CPSF2: variants seen among roughly 807,000 people sequenced by gnomAD.
CPSF2 encodes cleavage and polyadenylation specific factor 2.
Under a neutral mutation model 84.2 loss-of-function variants are expected in CPSF2, and 51 were observed. The observed-to-expected ratio is 0.61, with a 90% CI of 0.48 to 0.77. The LOEUF (loss-of-function observed/expected upper bound fraction) is 0.77. Among genes scored for constraint, CPSF2 ranks in the 30% least tolerant of loss-of-function variants. CPSF2 has a pLI of 0.00. For synonymous variants in CPSF2, 286 were observed against 311.9 expected (o/e 0.92, Z 0.87); for missense variants, 641 against 929.4 (o/e 0.69, Z 4.03).
intron 3 of CPSF2, among the ~76,000 whole-genome samples, chr14:92,133,766 T>G (rs1306345446): frequency 1.3e-5 from 2 of 152,142 alleles, no homozygotes; most frequent in Non-Finnish European, 1.5e-5. Context: ...ACACATGGCC[T>G]TCTTTTCTGT....
chr14:92,135,538 ATTATT>A, intron 6 of CPSF2, 42 bp downstream of exon 6: 1 of 1,538,398 alleles, frequency 6.5e-7, no homozygotes, highest in East Asian at 2.3e-5. Flanking sequence ...TGCAATTGGT[ATTATT>A]TTATTCTTTG....
At chr14:92,153,185 A>G (rs980117217) in intron 9 of CPSF2, among the ~76,000 whole-genome samples, 1 of 152,050 alleles carries the variant, frequency 6.6e-6, no homozygotes, top group African/African-American at 2.4e-5. Context: ...GATGAAAACA[A>G]TTATGTTTTT....
intron 14 of CPSF2, among the ~76,000 whole-genome samples, chr14:92,159,602 G>A (rs1169335113): frequency 2.0e-5 from 3 of 152,154 alleles, no homozygotes; most frequent in African/African-American, 7.2e-5. Context: ...CAGGAGGATT[G>A]CTTGAGCTCA....
chr14:92,141,727 T>A (rs2069081227), intron 7 of CPSF2, among the ~76,000 whole-genome samples: 1 of 152,066 alleles, frequency 6.6e-6, no homozygotes, highest in South Asian at 2.1e-4. Context: ...GTATATATAA[T>A]TATGTGAGTG....
At chr14:92,126,931 C>G (rs1028847502) in intron 2 of CPSF2, among the ~76,000 whole-genome samples, 8 of 152,142 alleles carry the variant, frequency 5.3e-5, no homozygotes, top group Non-Finnish European at 1.0e-4. Flanking sequence ...AACTCCTGTA[C>G]TCAGAGAGCT....
chr14:92,122,856 T>C (rs983088454), intron 1 of CPSF2, among the ~76,000 whole-genome samples: 4 of 149,764 alleles, frequency 2.7e-5, no homozygotes, highest in Non-Finnish European at 4.5e-5. Flanking sequence ...TTTCTTTCTT[T>C]TTTTTTTTTT....
At position 92,163,303 on chromosome 14, in the gene CPSF2, T is replaced by TA. The variant is rs1226857135; in HGVS notation, c.*1560dup. 1 of 152,564 alleles carries TA rather than the reference T, an allele frequency of 6.6e-6. No homozygotes were observed. Among genetic ancestry groups the TA allele is most frequent in the Non-Finnish European group, 1.5e-5 (1 of 68,038 alleles). The allele number at this position is 152,564 out of a possible 1,614,324, so 9.5% of individuals were successfully genotyped here. On this transcript the variant is annotated 3_prime_UTR_variant, in exon 16 of 16. Coordinates refer to ENST00000298875, the MANE Select transcript of CPSF2 (RefSeq NM_017437.3). The stretch of plus-strand genomic sequence containing the variant: ...ACTATTTCATTCTATTTCAAATGCT[T>TA]ATAAAGCTACTATTGTAGATTATAG...
intron 9 of CPSF2, among the ~76,000 whole-genome samples, 185 bp downstream of exon 9, chr14:92,143,479 G>A (rs1400562059): frequency 6.6e-6 from 1 of 152,102 alleles, no homozygotes; most frequent in Non-Finnish European, 1.5e-5. Context: ...GAGGCGGAAG[G>A]ACCACTCGAG....
chr14:92,142,954 A>G, intron 8 of CPSF2, 50 bp from the exon 9 acceptor site: 1 of 1,394,198 alleles, frequency 7.2e-7, no homozygotes. Flanking sequence ...GAATATATTG[A>G]AGTTATAATA....
At position 92,169,054 on chromosome 14, in the gene CPSF2, A is replaced by G. The variant is rs1308017902; in HGVS notation, c.*7310A>G. ...TGTTGACTTTAATATCCAATGTATC[A>G]TAGGTGTTTTCTTTTTTCTCTGACA... is the stretch of plus-strand genomic sequence containing the variant. On this transcript the variant is annotated 3_prime_UTR_variant, in exon 16 of 16. Transcript: ENST00000298875. 1 of 152,092 alleles carries G rather than the reference A, an allele frequency of 6.6e-6. No homozygotes were observed. The highest frequency in any genetic ancestry group is 1.5e-5 in the Non-Finnish European group (1 of 68,014). The allele number at this position is 152,092 out of a possible 1,614,324, so 9.4% of individuals were successfully genotyped here. A position where few individuals can be genotyped will look rare whatever the true frequency, so the allele number is the denominator to read the frequency against.
Position 92,167,392 on chromosome 14 carries a change from A to G in CPSF2, c.*5648A>G, listed in dbSNP as rs1434707377. On this transcript the variant is annotated 3_prime_UTR_variant, in exon 16 of 16. Coordinates refer to ENST00000298875, the MANE Select transcript of CPSF2 (RefSeq NM_017437.3). ...AAAAAGCAGTTGACATTTATAACTT[A>G]GAGTCTTTTAATGTTAGTGCTGAAA... 1 of 152,200 alleles carries G rather than the reference A, an allele frequency of 6.6e-6. No homozygotes were observed. Among genetic ancestry groups the G allele is most frequent in the Non-Finnish European group, 1.5e-5 (1 of 68,034 alleles). 9.4% of individuals were successfully genotyped at this position (152,200 alleles called of 1,614,324 possible). A position where few individuals can be genotyped will look rare whatever the true frequency, so the allele number is the denominator to read the frequency against.
In CPSF2 at chr14:92,157,543, A is replaced by G. The variant is rs1161991919; in HGVS notation, c.1596-116A>G. On this transcript the variant is annotated intron_variant, in intron 12 of 15. Coordinates refer to ENST00000298875, the MANE Select transcript of CPSF2 (RefSeq NM_017437.3). This position sits in a 1 kb window ranked among gnomAD's most constrained non-coding sequence, Gnocchi z 4.0. ...AACAAAAATAAAATAAATCATACAG[A>G]TACTATAACATGTGTATTTCTCAAA... 4.5e-6 allele frequency: 3 copies of G among 665,640 alleles called. No homozygotes were observed. Among genetic ancestry groups the G allele is most frequent in the Non-Finnish European group, 7.7e-6 (3 of 388,418 alleles). The allele number at this position is 665,640 out of a possible 1,614,324, so 41.2% of individuals were successfully genotyped here.
chr14:92,166,805 GT>G lies in CPSF2; in HGVS notation c.*5064del, dbSNP rs1172166616. The G allele has an allele frequency of 1.3e-5, 2 of 152,056 alleles. No individual in the cohort carries two copies. The highest frequency in any genetic ancestry group is 2.9e-5 in the Non-Finnish European group (2 of 68,020). 9.4% of individuals were successfully genotyped at this position (152,056 alleles called of 1,614,324 possible). On this transcript the variant is annotated 3_prime_UTR_variant, in exon 16 of 16. Transcript: ENST00000298875. ...AAATCAGTTGCCCATGAGTGTATGGGTTTGTTCCTGGACTTGAAATTATGTT... is the reference window on the plus strand; with the variant it reads ...AAATCAGTTGCCCATGAGTGTATGGGTTGTTCCTGGACTTGAAATTATGTT...
rs1247677231 is a variant in CPSF2, at chr14:92,169,322, C to T, written c.*7578C>T. ...TTGTTACTACATGACCCCCCCACAC[C>T]CCCTAAAAAAGAAAAAGGACTTTAA... On this transcript the variant is annotated 3_prime_UTR_variant, in exon 16 of 16. Coordinates refer to ENST00000298875, the MANE Select transcript of CPSF2 (RefSeq NM_017437.3). 6.6e-6 allele frequency: 1 copy of T among 152,170 alleles called. No individual in the cohort carries two copies. Among genetic ancestry groups the T allele is most frequent in the Non-Finnish European group, 1.5e-5 (1 of 68,054 alleles). 9.4% of individuals were successfully genotyped at this position (152,170 alleles called of 1,614,324 possible).
chr14:92,128,918 A>G (rs1025953808), intron 2 of CPSF2, among the ~76,000 whole-genome samples: 1 of 152,192 alleles, frequency 6.6e-6, no homozygotes, highest in Non-Finnish European at 1.5e-5. Context: ...ACAGGTCAGT[A>G]TTGAAGTTAC....
At position 92,156,463 on chromosome 14, in the gene CPSF2, G is replaced by A; in HGVS notation, c.1443-16G>A. 1 of 1,600,714 alleles carries A rather than the reference G, an allele frequency of 6.2e-7. No homozygotes were observed. The highest frequency in any genetic ancestry group is 8.5e-7 in the Non-Finnish European group (1 of 1,175,988). ...GCTTGCTTTTTACTGCTTCTAATTAGAGACTTATTATTTAGACCAGAGGAT... is the reference window on the plus strand; with the variant it reads ...GCTTGCTTTTTACTGCTTCTAATTAAAGACTTATTATTTAGACCAGAGGAT... On this transcript the variant is annotated splice_polypyrimidine_tract_variant and intron_variant, in intron 11 of 15. Coordinates refer to ENST00000298875, the MANE Select transcript of CPSF2 (RefSeq NM_017437.3).
At position 92,161,715 on chromosome 14, in the gene CPSF2, CT is replaced by C; in HGVS notation, c.2324del (p.Leu775TyrfsTer57). ...LCQDFYRIRD[L>X]LYEQYAIV ...TCAAGATTTTTATAGGATAAGAGAC[CT>C]TTTATATGAACAATATGCCATTGTA... is the stretch of plus-strand genomic sequence containing the variant. On this transcript the variant is annotated frameshift_variant, in exon 16 of 16. Coordinates refer to ENST00000298875, the MANE Select transcript of CPSF2 (RefSeq NM_017437.3). LOFTEE classifies it high-confidence loss of function. 6.3e-7 allele frequency: 1 copy of C among 1,589,286 alleles called. No homozygotes were observed. Among genetic ancestry groups the C allele is most frequent in the Admixed American group, 1.8e-5 (1 of 55,256 alleles).
chr14:92,133,622 C>CT (rs35567316), intron 3 of CPSF2, among the ~76,000 whole-genome samples: 23,136 of 139,258 alleles, frequency 0.17, 2,079 homozygotes, highest in East Asian at 0.39. Context: ...CCACCCCTGG[C>CT]TTTTTTTTTT....
intron 9 of CPSF2, among the ~76,000 whole-genome samples, chr14:92,148,113 T>G: frequency 6.6e-6 from 1 of 152,170 alleles, no homozygotes; most frequent in South Asian, 2.1e-4. Context: ...TCCCCTCCCC[T>G]TACCCCACTG....
Sources: gnomAD v4.1 joint callset for allele counts (sites outside exome capture counted in the v4.1 genomes callset) on GRCh38, gnomAD v4.1.1 for gene constraint, Gnocchi (gnomAD v3.1) non-coding constraint, MANE v1.5 for transcripts, NCBI Gene and HGNC (gene_info 2026-07-23, HGNC 2026-07-21) for gene names.